The following MAN2B2 variants were observed in gnomAD, a reference collection of about 807,000 sequenced individuals.
MAN2B2 encodes mannosidase alpha class 2B member 2.
Under a neutral mutation model 117.1 loss-of-function variants are expected in MAN2B2, and 106 were observed. The observed-to-expected ratio is 0.90, with a 90% CI of 0.77 to 1.06. MAN2B2 has a LOEUF of 1.06. MAN2B2 is among the 50% of genes least tolerant of loss of function. The pLI, the probability that MAN2B2 is intolerant of heterozygous loss-of-function variation, is 0.00. For missense variants in MAN2B2, 1,326 were observed against 1,381.4 expected (o/e 0.96, Z 0.64); for synonymous variants, 544 against 595.1 (o/e 0.91, Z 1.25).
At position 6,611,253 on chromosome 4, in the gene MAN2B2, C is replaced by T. The variant is rs750939182; in HGVS notation, c.2538C>T (p.Pro846=). The T allele has an allele frequency of 1.6e-5, 25 of 1,610,146 alleles. No homozygotes were observed. Among genetic ancestry groups the T allele is most frequent in the East Asian group, 2.2e-5 (1 of 44,880 alleles). ...QRSALALQHR[P]VVLFGDLAGT... is the part of the protein sequence containing the mutation. The stretch of plus-strand genomic sequence containing the variant: ...GCGCACTGGCGCTGCAGCACAGGCC[C>T]GTGGTGCTGTTCGGAGACCTCGCTG... The change falls in exon 15 of 19, where the codon CCC becomes CCT. Residue 846 remains proline (P), a synonymous_variant. Coordinates refer to ENST00000285599, the MANE Select transcript of MAN2B2 (RefSeq NM_015274.3).
intron 11 of MAN2B2, among the ~76,000 whole-genome samples, chr4:6,606,865 T>C (rs748448707): frequency 3.9e-5 from 6 of 152,120 alleles, no homozygotes; most frequent in South Asian, 2.1e-4. Context: ...AAGCCAAGGG[T>C]GCAGACACCA....
In MAN2B2 at chr4:6,589,129, T is replaced by C. The variant is rs1406677244; in HGVS notation, c.649T>C (p.Cys217Arg). ...GCACATCATGGACCAGTACAGCTACTGCACCCCGTCCCACATCCCTTTCTC... is the reference window on the plus strand; with the variant it reads ...GCACATCATGGACCAGTACAGCTACCGCACCCCGTCCCACATCCCTTTCTC... ...FTHIMDQYSYCTPSHIPFSNR... is the reference protein window; with the variant it reads ...FTHIMDQYSYRTPSHIPFSNR... The change falls in exon 5 of 19, where the codon TGC becomes CGC. Residue 217 changes from cysteine (C) to arginine (R), a missense_variant. Physicochemically the swap from Cys to Arg is radical, Grantham distance 180. Coordinates refer to ENST00000285599, the MANE Select transcript of MAN2B2 (RefSeq NM_015274.3). 1.2e-6 allele frequency: 2 copies of C among 1,614,172 alleles called. No individual in the cohort carries two copies. Among genetic ancestry groups the C allele is most frequent in the Admixed American group, 1.7e-5 (1 of 60,030 alleles).
rs757847656 is a variant in MAN2B2, at chr4:6,598,316, A to G, written c.1367A>G (p.Asp456Gly). The G allele has an allele frequency of 6.3e-5, 101 of 1,613,282 alleles. No individual in the cohort carries two copies. Among genetic ancestry groups the G allele is most frequent in the Non-Finnish European group, 8.5e-5 (100 of 1,179,998 alleles). The change falls in exon 9 of 19, where the codon GAT becomes GGT. Residue 456 changes from aspartate to glycine, a missense_variant. By Grantham distance (94) the Asp-to-Gly change is moderately conservative. Coordinates refer to ENST00000285599, the MANE Select transcript of MAN2B2 (RefSeq NM_015274.3). ...AAGCTGATGGCCTCCATCGTCCTAG[A>G]TGAGCTCCAGCCCCAGGCACCCATG... ...MRKLMASIVLDELQPQAPMAA... is the reference protein window; with the variant it reads ...MRKLMASIVLGELQPQAPMAA...
Position 6,594,543 on chromosome 4 carries a change from A to C in MAN2B2, c.868A>C (p.Lys290Gln), listed in dbSNP as rs778930301. The C allele has an allele frequency of 6.2e-7, 1 of 1,613,046 alleles. No individual in the cohort carries two copies. Among genetic ancestry groups the C allele is most frequent in the Non-Finnish European group, 8.5e-7 (1 of 1,180,022 alleles). ...TCCCATGTCCCTGCAGGGATGTGAC[A>C]AGCAGTTCTTCAATGCCTCGGTGCA... ...PHVLWPWGCD[K>Q]QFFNASVQFA... is the part of the protein sequence containing the mutation. Residue 290 changes from lysine (K) to glutamine (Q), a missense_variant, in exon 7 of 19, where the codon AAG (lysine) becomes CAG (glutamine). Coordinates refer to ENST00000285599, the MANE Select transcript of MAN2B2 (RefSeq NM_015274.3).
intron 17 of MAN2B2, chr4:6,619,102 G>C (rs1472166644): frequency 6.6e-6 from 1 of 152,330 alleles, no homozygotes; most frequent in Non-Finnish European, 1.5e-5. Flanking sequence ...AACGTGGACG[G>C]TGGTGGGGTG....
In MAN2B2 at chr4:6,598,705, C is replaced by T. The variant is rs141592444; in HGVS notation, c.1405+351C>T. ...TGTCCTCATTTTACAGCCGAGGAAA[C>T]GGACTCAAGTTATATGCTAGCCCAG... On this transcript the variant is annotated intron_variant, in intron 9 of 18. Coordinates refer to ENST00000285599, the MANE Select transcript of MAN2B2 (RefSeq NM_015274.3). 4.7e-3 allele frequency among the ~76,000 whole-genome samples: 723 copies of T among 152,316 alleles called. 7 individuals carry two copies. The highest frequency in any genetic ancestry group is 0.016 in the African/African-American group (647 of 41,556).
At position 6,600,570 on chromosome 4, in the gene MAN2B2, C is replaced by T. The variant is rs1413887224; in HGVS notation, c.1406-53C>T. The T allele has an allele frequency of 1.9e-6, 3 of 1,598,972 alleles. No individual in the cohort carries two copies. In the Admixed American group the frequency reaches 5.0e-5, roughly 27 times the overall value. On this transcript the variant is annotated intron_variant, in intron 9 of 18. Transcript: ENST00000285599. Reference sequence around the variant, plus strand: ...ACTGAGGTGCAGCCAGTGAGCACCCCATTCCAGAAGGTGAGTCACATGGCA... The same window carrying T: ...ACTGAGGTGCAGCCAGTGAGCACCCTATTCCAGAAGGTGAGTCACATGGCA...
At chr4:6,579,034 TACCACCATCACCACCATCACC>T (rs1726191477) in intron 3 of MAN2B2, among the ~76,000 whole-genome samples, 3 of 33,732 alleles carry the variant, frequency 8.9e-5, no homozygotes, top group Non-Finnish European at 1.8e-4. Flanking sequence ...CCATCACCAC[TACCACCATCACCACCATCACC>T]ACCACCATCA....
In MAN2B2 at chr4:6,619,954, G is replaced by A. The variant is rs544688073; in HGVS notation, c.2842G>A (p.Val948Met). The A allele has an allele frequency of 6.2e-7, 1 of 1,613,944 alleles. No homozygotes were observed. The highest frequency in any genetic ancestry group is 2.2e-5 in the East Asian group (1 of 44,870). Residue 948 changes from valine to methionine, a missense_variant, in exon 18 of 19, where the codon GTG becomes ATG. By Grantham distance (21) the Val-to-Met change is conservative. Coordinates refer to ENST00000285599, the MANE Select transcript of MAN2B2 (RefSeq NM_015274.3). Reference protein sequence around the residue: ...EAVLQALGSVVAVEERSLTGT... With the variant: ...EAVLQALGSVMAVEERSLTGT... The stretch of plus-strand genomic sequence containing the variant: ...TGTGCTGCAGGCGCTGGGGTCCGTG[G>A]TGGCAGTGGAGGAGCGCTCGCTCAC...
intron 1 of MAN2B2, among the ~76,000 whole-genome samples, chr4:6,576,375 C>T (rs1221398299): frequency 6.6e-6 from 1 of 152,178 alleles, no homozygotes; most frequent in East Asian, 1.9e-4. Flanking sequence ...TTTCCCCGTC[C>T]CTCTCCCCCA....
At chr4:6,586,238 A>G (rs991170472) in intron 3 of MAN2B2, among the ~76,000 whole-genome samples, 1 of 151,872 alleles carries the variant, frequency 6.6e-6, no homozygotes, top group Admixed American at 6.6e-5. Context: ...TTTTGTGTGC[A>G]TGTGTAGAGA....
intron 5 of MAN2B2, among the ~76,000 whole-genome samples, chr4:6,589,831 G>T (rs1726786974): frequency 2.6e-5 from 4 of 152,156 alleles, no homozygotes; most frequent in Admixed American, 2.6e-4. Context: ...TGTAATCCCA[G>T]CACTTTGGGA....
chr4:6,621,328 T>A lies in MAN2B2; in HGVS notation c.*43T>A, dbSNP rs1262246409. ...CGGCCCCAGGGCTTCCCCCAGGAAC[T>A]CCATGTAACAGAACAGACCCAGGAC... On this transcript the variant is annotated 3_prime_UTR_variant, in exon 19 of 19. Coordinates refer to ENST00000285599, the MANE Select transcript of MAN2B2 (RefSeq NM_015274.3). The A allele has an allele frequency of 2.6e-6, 4 of 1,533,670 alleles. No homozygotes were observed. Among genetic ancestry groups the A allele is most frequent in the Admixed American group, 1.7e-5 (1 of 58,754 alleles).
At position 6,609,147 on chromosome 4, in the gene MAN2B2, G is replaced by C. The variant is rs1286558692; in HGVS notation, c.1855G>C (p.Glu619Gln). The C allele has an allele frequency of 6.2e-7, 1 of 1,614,204 alleles. No individual in the cohort carries two copies. The highest frequency in any genetic ancestry group is 1.7e-5 in the Admixed American group (1 of 60,018). The part of the protein sequence containing the change: ...RTVRVTQEFL[E>Q]YHVNGDVKQG... ...GGTGCGCGTGACCCAGGAATTCCTG[G>C]AGTACCACGTCAACGGGGATGTGAA... is the stretch of plus-strand genomic sequence containing the variant. Residue 619 changes from glutamate (E) to glutamine (Q), a missense_variant, in exon 12 of 19, where the codon GAG becomes CAG. Glu to Gln is a conservative substitution (Grantham distance 29). Coordinates refer to ENST00000285599, the MANE Select transcript of MAN2B2 (RefSeq NM_015274.3).
In MAN2B2 at chr4:6,607,031, A is replaced by G. The variant is rs76432315; in HGVS notation, c.1814+1702A>G. 8.6e-3 allele frequency among the ~76,000 whole-genome samples: 1,303 copies of G among 152,258 alleles called. 14 individuals carry two copies. Among genetic ancestry groups the G allele is most frequent in the African/African-American group, 0.029 (1,191 of 41,544 alleles). On this transcript the variant is annotated intron_variant, in intron 11 of 18. Transcript: ENST00000285599. ...GAGTTGTGCAGCCATCACCACAATC[A>G]ATTTTAGAACGTTTTCATTACTCCA... is the stretch of plus-strand genomic sequence containing the variant.
chr4:6,579,198 C>CCAT (rs1726265866), intron 3 of MAN2B2, among the ~76,000 whole-genome samples: 1 of 56,640 alleles, frequency 1.8e-5, no homozygotes, highest in Admixed American at 1.8e-4. Context: ...ACCAGCACCA[C>CCAT]CACCATCACC....
rs1284053997 is a variant in MAN2B2, at chr4:6,605,666, G to A, written c.1814+337G>A. On this transcript the variant is annotated intron_variant, in intron 11 of 18. Transcript: ENST00000285599. ...AATAGTGTTACTGTCTTTAAAGCAG[G>A]ACGGGACTTTCAAAATCATCTAATC... Among the ~76,000 whole-genome samples the A allele has an allele frequency of 3.3e-5, 5 of 152,050 alleles. No homozygotes were observed. The East Asian group carries it at 9.6e-4, about 29-fold the overall frequency.
In MAN2B2 at chr4:6,593,392, A is replaced by C. The variant is rs748202094; in HGVS notation, c.858+42A>C. ...GGTGCTGTGCCCTCAACACAGCCCA[A>C]GGAGCACTATGCAAGCCCTGGTCCC... On this transcript the variant is annotated intron_variant, in intron 6 of 18. Coordinates refer to ENST00000285599, the MANE Select transcript of MAN2B2 (RefSeq NM_015274.3). 5.1e-6 allele frequency: 8 copies of C among 1,573,574 alleles called. No individual in the cohort carries two copies. The African/African-American group carries it at 1.1e-4, about 21-fold the overall frequency.
chr4:6,583,858 A>C (rs1726535960), intron 3 of MAN2B2, among the ~76,000 whole-genome samples: 1 of 152,190 alleles, frequency 6.6e-6, no homozygotes, highest in African/African-American at 2.4e-5. Flanking sequence ...ACCCGCACTC[A>C]CAGTGCCCTC....
Sources: allele counts gnomAD v4.1 joint callset (sites outside exome capture counted in the v4.1 genomes callset), GRCh38; gene constraint gnomAD v4.1.1; transcripts MANE v1.5; gene names NCBI Gene and HGNC (gene_info 2026-07-23, HGNC 2026-07-21).